Variants in IL1RAPL2 observed in about 807,000 individuals in gnomAD.
The protein encoded by IL1RAPL2 is X-linked interleukin-1 receptor accessory protein-like 2.
In IL1RAPL2, 3 loss-of-function variants were observed where a neutral mutation model predicts 44.1. That is an observed-to-expected ratio of 0.07 (90% CI 0.03 to 0.18). The LOEUF (loss-of-function observed/expected upper bound fraction) is 0.18, where lower values mean the gene tolerates loss of function less well. Among genes scored for constraint, IL1RAPL2 ranks in the 10% least tolerant of loss-of-function variants. IL1RAPL2 has a pLI of 1.00. For missense variants in IL1RAPL2, 391 were observed against 496.4 expected, an observed-to-expected ratio of 0.79 and a Z score of 2.02; for synonymous variants, 181 against 178.8, an observed-to-expected ratio of 1.01 and a Z score of -0.10.
At chrX:105,467,311 C>A (rs1163971600) in intron 5 of IL1RAPL2, among the ~76,000 whole-genome samples, 1 of 111,574 alleles carries the variant, frequency 9.0e-6, no homozygotes, top group East Asian at 2.8e-4. Context: ...GAGGTACTAG[C>A]AAAATGAAGT....
chrX:105,125,081 T>C (rs1204419435), intron 2 of IL1RAPL2, among the ~76,000 whole-genome samples: 2 of 111,035 alleles, frequency 1.8e-5, no homozygotes, highest in Admixed American at 1.9e-4. Flanking sequence ...CATTTGTGTA[T>C]GGTACTTTCT....
rs537635951 is a variant in IL1RAPL2 at position 105,501,579 on chromosome X, G to A, written c.772+17192G>A. The stretch of plus-strand genomic sequence containing the variant: ...GTCAAGGCTGCAGTGACCCTTACTC[G>A]CATCACTGCAATCCAGCCTAGATGA... On this transcript the variant is annotated intron_variant, in intron 6 of 10. Transcript: ENST00000372582. Among the ~76,000 whole-genome samples, 7 of 110,556 alleles carry A rather than the reference G, an allele frequency of 6.3e-5. No individual in the cohort carries two copies. In the South Asian group the frequency reaches 1.2e-3, roughly 18 times the overall value.
chrX:104,582,872 T>C (rs368829777), intron 1 of IL1RAPL2, among the ~76,000 whole-genome samples: 15 of 47,517 alleles, frequency 3.2e-4, no homozygotes, highest in South Asian at 9.9e-4. Flanking sequence ...TTCTTTCTTT[T>C]TCTTTTCTTT....
At chrX:104,894,062 A>T (rs1157346144) in intron 2 of IL1RAPL2, among the ~76,000 whole-genome samples, 1 of 111,475 alleles carries the variant, frequency 9.0e-6, no homozygotes, top group Non-Finnish European at 1.9e-5. Flanking sequence ...GTTTGGCTGG[A>T]TATGAAATTC....
intron 2 of IL1RAPL2, among the ~76,000 whole-genome samples, chrX:104,692,097 G>T (rs751252959): frequency 4.5e-5 from 5 of 111,326 alleles, no homozygotes; most frequent in African/African-American, 6.5e-5. Flanking sequence ...CTCATTTCTT[G>T]CCTTAGGAGA....
chrX:105,198,070 A>G (rs1407250515), intron 3 of IL1RAPL2, among the ~76,000 whole-genome samples: 1 of 111,774 alleles, frequency 8.9e-6, no homozygotes, highest in Admixed American at 9.5e-5. Flanking sequence ...CATTGGTACA[A>G]AGGACATTCT....
intron 5 of IL1RAPL2, among the ~76,000 whole-genome samples, chrX:105,443,321 C>T (rs1032124287): frequency 9.0e-6 from 1 of 111,399 alleles, no homozygotes; most frequent in Non-Finnish European, 1.9e-5. Flanking sequence ...ATATCCACCC[C>T]TCCAGCATTT....
intron 6 of IL1RAPL2, among the ~76,000 whole-genome samples, chrX:105,524,743 A>T (rs1282848800): frequency 4.5e-5 from 5 of 110,929 alleles, no homozygotes; most frequent in Non-Finnish European, 9.5e-5. Flanking sequence ...AGAGATTTAA[A>T]TGTGGTTTTT....
At chrX:104,905,634 G>C (rs1250452043) in intron 2 of IL1RAPL2, among the ~76,000 whole-genome samples, 1 of 111,384 alleles carries the variant, frequency 9.0e-6, no homozygotes, top group Non-Finnish European at 1.9e-5. Flanking sequence ...TGTTATTTCT[G>C]AGGGCTCTGT....
At chrX:105,439,444 T>G (rs2035904019) in intron 5 of IL1RAPL2, among the ~76,000 whole-genome samples, 1 of 106,861 alleles carries the variant, frequency 9.4e-6, no homozygotes, top group African/African-American at 3.4e-5. Flanking sequence ...ACTATGATTC[T>G]TGTTAATCCT....
intron 2 of IL1RAPL2, among the ~76,000 whole-genome samples, chrX:105,109,824 T>C (rs1479760614): frequency 1.8e-5 from 2 of 112,432 alleles, no homozygotes; most frequent in Non-Finnish European, 3.8e-5. Context: ...TCTGACAACG[T>C]AGAAAAATGC....
chrX:104,588,454 G>T (rs1175307383), intron 1 of IL1RAPL2, among the ~76,000 whole-genome samples: 1 of 111,220 alleles, frequency 9.0e-6, no homozygotes, highest in Non-Finnish European at 1.9e-5. Flanking sequence ...ATTCTTGAAA[G>T]TTCATCTTTT....
chrX:105,449,583 C>CA (rs35055233), intron 5 of IL1RAPL2, among the ~76,000 whole-genome samples: 1,464 of 85,207 alleles, frequency 0.017, 13 homozygotes, highest in African/African-American at 0.023. Flanking sequence ...GACTCCGTCT[C>CA]AAAAAAAAAA....
intron 2 of IL1RAPL2, among the ~76,000 whole-genome samples, chrX:105,012,381 G>A (rs1023923954): frequency 9.1e-6 from 1 of 110,453 alleles, no homozygotes; most frequent in Admixed American, 9.7e-5. Flanking sequence ...GGCAAGGAAG[G>A]ATACACAGTG....
chrX:104,794,842 C>CTT (rs1270015791), intron 2 of IL1RAPL2, among the ~76,000 whole-genome samples: 1 of 111,849 alleles, frequency 8.9e-6, no homozygotes, highest in East Asian at 2.8e-4. Context: ...GGTGAAGGGA[C>CTT]TTGAAGTGAG....
intron 2 of IL1RAPL2, among the ~76,000 whole-genome samples, chrX:104,853,996 T>C (rs1350886154): frequency 9.0e-6 from 1 of 110,549 alleles, no homozygotes; most frequent in Non-Finnish European, 1.9e-5. Flanking sequence ...TATGAATTCA[T>C]GTCTTAGATA....
chrX:105,022,407 T>G (rs746854426), intron 2 of IL1RAPL2, among the ~76,000 whole-genome samples: 10 of 111,631 alleles, frequency 9.0e-5, no homozygotes, highest in Non-Finnish European at 1.9e-4. Context: ...GCCTCTTTTC[T>G]AAAGGATTCA....
intron 5 of IL1RAPL2, among the ~76,000 whole-genome samples, chrX:105,290,940 T>A (rs181633475): frequency 3.2e-3 from 353 of 111,532 alleles, no homozygotes; most frequent in Non-Finnish European, 4.8e-3. Context: ...CAAAAATGGG[T>A]CAAGTGCTGA....
intron 2 of IL1RAPL2, among the ~76,000 whole-genome samples, chrX:104,931,117 C>T (rs1924887390): frequency 9.0e-6 from 1 of 110,524 alleles, no homozygotes; most frequent in Admixed American, 9.7e-5. Context: ...TTTATGTATA[C>T]TTATTCCTGG....
Sources: gnomAD v4.1 joint callset for allele counts (sites outside exome capture counted in the v4.1 genomes callset) on GRCh38, gnomAD v4.1.1 for gene constraint, MANE v1.5 for transcripts, NCBI Gene and HGNC (gene_info 2026-07-23, HGNC 2026-07-21) for gene names.